ROS1: variants seen among roughly 807,000 people sequenced by gnomAD.
ROS1 encodes the protein ROS proto-oncogene 1, receptor tyrosine kinase, also known as proto-oncogene tyrosine-protein kinase ROS.
Under a neutral mutation model 273.5 loss-of-function variants are expected in ROS1, and 263 were observed. That is an observed-to-expected ratio of 0.96 (90% CI 0.87 to 1.06). ROS1 has a LOEUF of 1.06. Among genes scored for constraint, ROS1 ranks in the 50% least tolerant of loss-of-function variants. ROS1 has a pLI of 0.00. For synonymous variants in ROS1, 1,008 were observed against 954.1 expected (o/e 1.06, Z -1.04); for missense variants, 2,833 against 2,751.1 (o/e 1.03, Z -0.67).
At position 117,311,098 on chromosome 6, in the gene ROS1, G is replaced by T. The variant is rs529164211; in HGVS notation, c.6137C>A (p.Thr2046Asn). 154 of 1,607,936 alleles carry T rather than the reference G, an allele frequency of 9.6e-5. 1 individual carries two copies. In the South Asian group the frequency reaches 1.6e-3, roughly 17 times the overall value. Residue 2046 changes from threonine to asparagine, a missense_variant, in exon 40 of 44, where the codon ACC becomes AAC. By Grantham distance (65) the Thr-to-Asn change is moderately conservative. Coordinates refer to ENST00000368507, the MANE Select transcript of ROS1 (RefSeq NM_001378902.1). ...ACACAGGTCTACAAGGTCAACCAAG[G>T]TGAGTAAAGGACCATAAAACTGTAA... Reference protein sequence around the residue: ...RMATFYGPLLTLVDLVDLCVD... With the variant: ...RMATFYGPLLNLVDLVDLCVD...
intron 38 of ROS1, among the ~76,000 whole-genome samples, chr6:117,317,759 G>T (rs954448367): frequency 2.6e-5 from 4 of 152,090 alleles, no homozygotes; most frequent in Non-Finnish European, 5.9e-5. Flanking sequence ...TTCCCATTAA[G>T]ATGTGCTTGA....
At position 117,341,522 on chromosome 6, in the gene ROS1, G is replaced by T; in HGVS notation, c.4762C>A (p.Gln1588Lys). 1 of 1,613,774 alleles carries T rather than the reference G, an allele frequency of 6.2e-7. No individual in the cohort carries two copies. The part of the protein sequence containing the change: ...PNGPKESVRY[Q>K]LAISHLALIP... ...AGGGCCAGGTGTGAGATTGCCAACTGATAACGGACTGATTCTTTAGGTCCA... is the reference window on the plus strand; with the variant it reads ...AGGGCCAGGTGTGAGATTGCCAACTTATAACGGACTGATTCTTTAGGTCCA... Residue 1588 changes from glutamine to lysine, a missense_variant, in exon 30 of 44, where the codon CAG becomes AAG. Transcript: ENST00000368507.
intron 35 of ROS1, 91 bp downstream of exon 35, chr6:117,324,241 T>C (rs2128574504): frequency 2.9e-6 from 2 of 692,836 alleles, no homozygotes; most frequent in Non-Finnish European, 5.1e-6. Flanking sequence ...CAATATTTCA[T>C]GTGGGAGATT....
intron 7 of ROS1, among the ~76,000 whole-genome samples, chr6:117,401,466 T>G (rs1443977210): frequency 6.6e-5 from 10 of 152,186 alleles, no homozygotes; most frequent in Non-Finnish European, 1.3e-4. Flanking sequence ...CATCATACAA[T>G]TTGGCCCTTA....
chr6:117,328,501 C>T, intron 33 of ROS1: 1 of 354,334 alleles, frequency 2.8e-6, no homozygotes, highest in Non-Finnish European at 5.4e-6. Context: ...AAATAAGGGC[C>T]AAGGGAATTC....
intron 39 of ROS1, among the ~76,000 whole-genome samples, chr6:117,314,512 T>C (rs1349950464): frequency 5.7e-4 from 87 of 152,130 alleles, no homozygotes; most frequent in Non-Finnish European, 8.8e-5. Context: ...CCTAACTAAA[T>C]CATAGATTCT....
intron 5 of ROS1, among the ~76,000 whole-genome samples, chr6:117,404,921 C>T (rs573917575): frequency 2.6e-5 from 4 of 152,284 alleles, no homozygotes; most frequent in East Asian, 1.9e-4. Context: ...CTCCAAAGGA[C>T]ACTATGATTG....
At chr6:117,381,292 T>C (rs1772122606) in intron 17 of ROS1, among the ~76,000 whole-genome samples, 1 of 151,864 alleles carries the variant, frequency 6.6e-6, no homozygotes, top group Admixed American at 6.6e-5. Context: ...ATGGATGAAT[T>C]GTACAGCTGT....
intron 27 of ROS1, among the ~76,000 whole-genome samples, chr6:117,348,544 T>C (rs1778557112): frequency 6.6e-6 from 1 of 151,952 alleles, no homozygotes; most frequent in African/African-American, 2.4e-5. Flanking sequence ...TTGGCTTCAT[T>C]GATTTTTCTC....
chr6:117,407,909 A>G (rs1774551019), intron 5 of ROS1, among the ~76,000 whole-genome samples: 1 of 152,324 alleles, frequency 6.6e-6, no homozygotes, highest in African/African-American at 2.4e-5. Context: ...AAATAATGCC[A>G]CATATCTACA....
At chr6:117,371,013 T>A (rs1780718514) in intron 18 of ROS1, among the ~76,000 whole-genome samples, 1 of 152,198 alleles carries the variant, frequency 6.6e-6, no homozygotes, top group African/African-American at 2.4e-5. Flanking sequence ...TCCTGTATGT[T>A]GTTTACAAGA....
At chr6:117,424,609 A>T (rs1776003145) in intron 1 of ROS1, among the ~76,000 whole-genome samples, 1 of 152,118 alleles carries the variant, frequency 6.6e-6, no homozygotes, top group South Asian at 2.1e-4. Flanking sequence ...GTCTTCGGCA[A>T]AGATTTATAT....
At chr6:117,361,438 G>A (rs190992099) in intron 22 of ROS1, among the ~76,000 whole-genome samples, 5 of 147,832 alleles carry the variant, frequency 3.4e-5, no homozygotes, top group Non-Finnish European at 1.5e-5. Flanking sequence ...TATATATATA[G>A]TAGTGTTTAC....
intron 34 of ROS1, among the ~76,000 whole-genome samples, chr6:117,325,980 A>T (rs1267300783): frequency 2.0e-5 from 3 of 151,408 alleles, no homozygotes; most frequent in Non-Finnish European, 4.4e-5. Flanking sequence ...ATGTGGTAGG[A>T]ATTAAGGGGG....
rs527529345 is a variant in ROS1 at position 117,389,522 on chromosome 6, G to T, written c.1614C>A (p.Ile538=). 1 of 1,614,154 alleles carries T rather than the reference G, an allele frequency of 6.2e-7. No homozygotes were observed. The highest frequency in any genetic ancestry group is 8.5e-7 in the Non-Finnish European group (1 of 1,180,032). The change falls in exon 13 of 44, where the codon ATC becomes ATA. Residue 538 remains isoleucine, a synonymous_variant. Coordinates refer to ENST00000368507, the MANE Select transcript of ROS1 (RefSeq NM_001378902.1). ...QQDALSFNEF[I]VGCDLSHIEE... ...CTATGTGACTCAGGTCACATCCCAC[G>T]ATGAATTCATTAAAAGACAAAGCAT...
chr6:117,337,104 G>T, intron 32 of ROS1, 68 bp downstream of exon 32: 1 of 1,190,790 alleles, frequency 8.4e-7, no homozygotes, highest in Non-Finnish European at 1.2e-6. Context: ...TCTAGGATTA[G>T]TGAAATAAGT....
At position 117,407,375 on chromosome 6, in the gene ROS1, A is replaced by G. The variant is rs1268561196; in HGVS notation, c.316+2207T>C. 3.3e-5 allele frequency among the ~76,000 whole-genome samples: 5 copies of G among 152,250 alleles called. No homozygotes were observed. The East Asian group carries it at 7.7e-4, about 23-fold the overall frequency. On this transcript the variant is annotated intron_variant, in intron 5 of 43. Coordinates refer to ENST00000368507, the MANE Select transcript of ROS1 (RefSeq NM_001378902.1). ...AAGCGCTGGCCTGTTAGAAACTACT[A>G]GAGAGTTAACACACTAAGGCAAAGC...
chr6:117,315,725 T>C (rs534575218), intron 39 of ROS1, among the ~76,000 whole-genome samples: 1 of 152,010 alleles, frequency 6.6e-6, no homozygotes, highest in Non-Finnish European at 1.5e-5. Flanking sequence ...ATGAGATACA[T>C]GGAAAAAGTC....
chr6:117,393,730 A>C (rs1535329), intron 11 of ROS1, among the ~76,000 whole-genome samples: 76,168 of 151,790 alleles, frequency 0.5, 20,068 homozygotes, highest in African/African-American at 0.66. Context: ...ACCACCACCA[A>C]CAACAACAAC....
Sources: allele counts gnomAD v4.1 joint callset (sites outside exome capture counted in the v4.1 genomes callset), GRCh38; gene constraint gnomAD v4.1.1; transcripts MANE v1.5; gene names NCBI Gene and HGNC (gene_info 2026-07-23, HGNC 2026-07-21).